Variants in HUWE1 observed in about 807,000 individuals in gnomAD.
The protein encoded by HUWE1 is E3 ubiquitin-protein ligase HUWE1.
In HUWE1, 18 loss-of-function variants were observed where a neutral mutation model predicts 299.4. The ratio of observed to expected loss-of-function variants is 0.06; its 90% confidence interval spans 0.04 to 0.09. The LOEUF (loss-of-function observed/expected upper bound fraction) is 0.09, where lower values mean the gene tolerates loss of function less well. Among genes scored for constraint, HUWE1 ranks in the 10% least tolerant of loss-of-function variants. The pLI is 1.00. For missense variants in HUWE1, 1,832 were observed against 3,462.3 expected, an observed-to-expected ratio of 0.53 and a Z score of 11.82; for synonymous variants, 1,317 against 1,286.1, an observed-to-expected ratio of 1.02 and a Z score of -0.51.
Position 53,549,505 on chromosome X carries a change from C to T in HUWE1, c.9489G>A (p.Arg3163=). 8.3e-7 allele frequency: 1 copy of T among 1,202,131 alleles called. No individual in the cohort carries two copies. The highest frequency in any genetic ancestry group is 1.1e-6 in the Non-Finnish European group (1 of 892,446). The change falls in exon 67 of 84, where the codon AGG becomes AGA. Residue 3163 remains arginine, a splice_region_variant and synonymous_variant. Coordinates refer to ENST00000262854, the MANE Select transcript of HUWE1 (RefSeq NM_031407.7). ...GAGTATCTACATTACTGCCAGAAGG[C>T]CTGGAAACAGAACATGGTTTTTGGG... The part of the protein sequence containing the change: ...FQMGGSSSHN[R]PSGSNVDTLL...
In HUWE1 at chrX:53,588,554, G is replaced by C. The variant is rs782321508; in HGVS notation, c.4462-20C>G. ...CCACACCTAGAAAAGCAAAAAAAGG[G>C]TTAAGTCACGGAACCGCAGAGCAAG... On this transcript the variant is annotated intron_variant, in intron 36 of 83. Transcript: ENST00000262854. 1.7e-6 allele frequency: 2 copies of C among 1,188,675 alleles called. No homozygotes were observed. The highest frequency in any genetic ancestry group is 3.5e-5 in the African/African-American group (2 of 56,666).
At chrX:53,566,129 G>GTT (rs1212406219) in intron 49 of HUWE1, among the ~76,000 whole-genome samples, 26 of 38,697 alleles carry the variant, frequency 6.7e-4, no homozygotes, top group African/African-American at 2.6e-3. Flanking sequence ...GTGTGTGTGT[G>GTT]TGTGTATATA....
chrX:53,563,617 A>C, intron 52 of HUWE1, 129 bp downstream of exon 52: 1 of 724,799 alleles, frequency 1.4e-6, no homozygotes, highest in African/African-American at 2.1e-5. Flanking sequence ...GTCAACATCA[A>C]GACAAGCAGC....
Position 53,549,273 on chromosome X carries a change from C to T in HUWE1, c.9721G>A (p.Glu3241Lys). Reference sequence around the variant, plus strand: ...TCACTTGTAGTGAGTTTGGGTGTTTCAATGCATAGCTCACTCTCACTGCTG... The same window carrying T: ...TCACTTGTAGTGAGTTTGGGTGTTTTAATGCATAGCTCACTCTCACTGCTG... The part of the protein sequence containing the change: ...QRSSESELCI[E>K]TPKLTTSEEK... Residue 3241 changes from glutamate to lysine, a missense_variant, in exon 67 of 84, where the codon GAA becomes AAA. Glu to Lys is a moderately conservative substitution (Grantham distance 56). This residue lies in a region of HUWE1 where 80 missense variants were observed against 142.1 expected (regional missense o/e 0.56). Coordinates refer to ENST00000262854, the MANE Select transcript of HUWE1 (RefSeq NM_031407.7). 1 of 1,211,746 alleles carries T rather than the reference C, an allele frequency of 8.3e-7. No homozygotes were observed. Among genetic ancestry groups the T allele is most frequent in the Non-Finnish European group, 1.1e-6 (1 of 895,515 alleles).
intron 16 of HUWE1, 51 bp from the exon 17 acceptor site, chrX:53,627,566 T>TAC: frequency 1.6e-6 from 1 of 629,450 alleles, no homozygotes; most frequent in Non-Finnish European, 2.2e-6. Flanking sequence ...TATATATATT[T>TAC]TTTTTTTCAG....
At chrX:53,618,546 C>G (rs1356070168) in intron 19 of HUWE1, among the ~76,000 whole-genome samples, 1 of 108,478 alleles carries the variant, frequency 9.2e-6, no homozygotes, top group African/African-American at 3.4e-5. Context: ...GCAAAGCAGA[C>G]TAGACCAGTA....
chrX:53,550,484 A>G (rs2061725232), intron 66 of HUWE1, among the ~76,000 whole-genome samples, 182 bp downstream of exon 66: 1 of 112,018 alleles, frequency 8.9e-6, no homozygotes, highest in Admixed American at 9.5e-5. Context: ...AGACTAACCA[A>G]AAGGTGTAGT....
chrX:53,542,988 A>T (rs1394139939), intron 73 of HUWE1: 2 of 119,809 alleles, frequency 1.7e-5, no homozygotes, highest in African/African-American at 6.6e-5. Flanking sequence ...ACCTCTCATG[A>T]GCGGGATTAT....
At chrX:53,597,977 T>G (rs2064589788) in intron 29 of HUWE1, among the ~76,000 whole-genome samples, 1 of 111,849 alleles carries the variant, frequency 8.9e-6, no homozygotes, top group Admixed American at 9.5e-5. Flanking sequence ...TAACAGGATT[T>G]ATGACAGCGC....
intron 61 of HUWE1, among the ~76,000 whole-genome samples, chrX:53,553,994 C>T (rs2061885079): frequency 9.1e-6 from 1 of 110,276 alleles, no homozygotes; most frequent in East Asian, 2.9e-4. Flanking sequence ...CCATTTCAAA[C>T]CAGTGAGAAA....
At position 53,590,426 on chromosome X, in the gene HUWE1, T is replaced by C; in HGVS notation, c.4169A>G (p.Asp1390Gly). 8.3e-7 allele frequency: 1 copy of C among 1,204,087 alleles called. No individual in the cohort carries two copies. Among genetic ancestry groups the C allele is most frequent in the Non-Finnish European group, 1.1e-6 (1 of 888,301 alleles). ...TACCTCAGGTGACTCTGCCCTTTGA[T>C]CCATTGGAATATCCTGTCCCAGAGA... ...AMSLGQDIPM[D>G]QRAESPEEVA... The change falls in exon 35 of 84, where the codon GAT becomes GGT. Residue 1390 changes from aspartate (D) to glycine (G), a missense_variant. Asp to Gly is a moderately conservative substitution (Grantham distance 94, BLOSUM62 -1). Coordinates refer to ENST00000262854, the MANE Select transcript of HUWE1 (RefSeq NM_031407.7).
At chrX:53,663,986 A>G (rs1480113164) in intron 3 of HUWE1, among the ~76,000 whole-genome samples, 1 of 111,043 alleles carries the variant, frequency 9.0e-6, no homozygotes, top group Non-Finnish European at 1.9e-5. Context: ...TTTATGCTTC[A>G]TGCTTTTCTA....
chrX:53,533,631 T>C (rs1556908674), intron 83 of HUWE1: 4 of 454,526 alleles, frequency 8.8e-6, no homozygotes. Context: ...CACTCCTCCT[T>C]AAACACCCTG....
chrX:53,672,828 T>C lies in HUWE1; in HGVS notation c.-25+7221A>G, dbSNP rs73210438. 7.4e-4 allele frequency among the ~76,000 whole-genome samples: 83 copies of C among 111,658 alleles called. 1 individual carries two copies. The highest frequency in any genetic ancestry group is 1.3e-3 in the Non-Finnish European group (70 of 53,142). On this transcript the variant is annotated intron_variant, in intron 3 of 83. Transcript: ENST00000262854. ...AGAGCATTTCTGAAAAAATATATAA[T>C]ATGGCTACAGAGCAGTTAAGAAAAG...
At chrX:53,589,924 TCTC>T (rs2064065302) in intron 35 of HUWE1, 108 bp from the exon 36 acceptor site, 2 of 844,957 alleles carry the variant, frequency 2.4e-6, no homozygotes, top group Non-Finnish European at 1.7e-6. Context: ...CCCTCAACCT[TCTC>T]CTCAAGCGGT....
chrX:53,622,026 A>G (rs1557012821), intron 19 of HUWE1, among the ~76,000 whole-genome samples: 1 of 112,354 alleles, frequency 8.9e-6, no homozygotes, highest in East Asian at 2.8e-4. Context: ...GGTGGCTAAA[A>G]GTGGCATAGA....
intron 3 of HUWE1, among the ~76,000 whole-genome samples, chrX:53,659,843 A>C (rs936294781): frequency 8.9e-6 from 1 of 111,809 alleles, no homozygotes; most frequent in East Asian, 2.8e-4. Context: ...TGGGAATGTA[A>C]AACTACTCTA....
intron 2 of HUWE1, among the ~76,000 whole-genome samples, chrX:53,682,612 G>A (rs1442905030): frequency 1.8e-5 from 2 of 111,183 alleles, no homozygotes; most frequent in African/African-American, 3.3e-5. Flanking sequence ...TGAGAGGAGG[G>A]TTATCTTCCT....
chrX:53,566,766 G>A (rs1602691756), intron 49 of HUWE1, among the ~76,000 whole-genome samples: 1 of 111,820 alleles, frequency 8.9e-6, no homozygotes, highest in African/African-American at 3.3e-5. Flanking sequence ...GTCTCCTGAC[G>A]TGATGTGAGA....
Sources: allele counts gnomAD v4.1 joint callset (sites outside exome capture counted in the v4.1 genomes callset), GRCh38; gene constraint gnomAD v4.1.1; regional missense constraint gnomAD v4.1.1; transcripts MANE v1.5; gene names NCBI Gene and HGNC (gene_info 2026-07-23, HGNC 2026-07-21).